The following DNAH9 variants were observed in gnomAD, a reference collection of about 807,000 sequenced individuals.
DNAH9 encodes the protein dynein axonemal heavy chain 9.
A neutral mutation model predicts 471.6 loss-of-function variants in DNAH9; 345 were observed. The ratio of observed to expected loss-of-function variants is 0.73; its 90% confidence interval spans 0.67 to 0.80. The LOEUF (loss-of-function observed/expected upper bound fraction) is 0.80. DNAH9 is among the 30% of genes least tolerant of loss of function. The pLI is 0.00. For missense variants in DNAH9, 5,407 were observed against 5,609.2 expected (o/e 0.96, Z 1.15); for synonymous variants, 2,093 against 2,123.6 (o/e 0.99, Z 0.40).
chr17:11,951,127 A>G (rs1975347582), intron 67 of DNAH9, among the ~76,000 whole-genome samples: 1 of 152,240 alleles, frequency 6.6e-6, no homozygotes, highest in Non-Finnish European at 1.5e-5. Context: ...CAAATTCAGT[A>G]GAACTATATT....
rs1194684011 is a variant in DNAH9, at chr17:11,886,834, G to A, written c.10981G>A (p.Ala3661Thr). 9 of 1,611,198 alleles carry A rather than the reference G, an allele frequency of 5.6e-6. No homozygotes were observed. In the African/African-American group the frequency reaches 1.1e-4, roughly 19 times the overall value. ...TTTATTTTTCCAACAGGTCCAGGAG[G>A]CCAAGGTGACTGAAGTGAAAATCAA... ...AAEVEKKVQE[A>T]KVTEVKINEA... The change falls in exon 57 of 69, where the codon GCC becomes ACC. Residue 3661 changes from alanine to threonine, a missense_variant. Coordinates refer to ENST00000262442, the MANE Select transcript of DNAH9 (RefSeq NM_001372.4).
chr17:11,762,881 G>A (rs903639603), intron 35 of DNAH9, among the ~76,000 whole-genome samples: 17 of 144,850 alleles, frequency 1.2e-4, no homozygotes, highest in Non-Finnish European at 6.0e-5. Flanking sequence ...CCGGGTTCAC[G>A]CCATTCTTCT....
chr17:11,939,063 AT>A (rs1318793997), intron 66 of DNAH9, among the ~76,000 whole-genome samples: 1 of 152,190 alleles, frequency 6.6e-6, no homozygotes, highest in East Asian at 1.9e-4. Context: ...TCAAAATAGT[AT>A]TTCTCAAATT....
At chr17:11,674,393 TG>T (rs755356809) in intron 17 of DNAH9, among the ~76,000 whole-genome samples, 2 of 152,164 alleles carry the variant, frequency 1.3e-5, no homozygotes, top group Non-Finnish European at 2.9e-5. Context: ...GCCACTCTGG[TG>T]GGAGTGTAAT....
chr17:11,837,756 C>A (rs1452011048), intron 49 of DNAH9, among the ~76,000 whole-genome samples: 4 of 152,232 alleles, frequency 2.6e-5, no homozygotes, highest in Non-Finnish European at 5.9e-5. Flanking sequence ...CTAAAAGGCA[C>A]TCCATTATTT....
chr17:11,621,771 T>C (rs1427513994), intron 6 of DNAH9, among the ~76,000 whole-genome samples: 1 of 152,026 alleles, frequency 6.6e-6, no homozygotes, highest in Non-Finnish European at 1.5e-5. Flanking sequence ...AAGTGGGATA[T>C]ACTGACTGCT....
At position 11,803,048 on chromosome 17, in the gene DNAH9, G is replaced by A. The variant is rs1969526146; in HGVS notation, c.8421-4684G>A. The stretch of plus-strand genomic sequence containing the variant: ...ATATTAAGAATGCCTGCATCGTAGG[G>A]TTGTTGCTATCTATGCAAAGTGCTT... On this transcript the variant is annotated intron_variant, in intron 43 of 68. Coordinates refer to ENST00000262442, the MANE Select transcript of DNAH9 (RefSeq NM_001372.4). Among the ~76,000 whole-genome samples the A allele has an allele frequency of 3.3e-5, 5 of 152,200 alleles. No homozygotes were observed. In the South Asian group the frequency reaches 1.0e-3, roughly 31 times the overall value.
chr17:11,666,545 G>A (rs527951690), intron 15 of DNAH9, among the ~76,000 whole-genome samples: 2 of 152,276 alleles, frequency 1.3e-5, no homozygotes, highest in African/African-American at 4.8e-5. Flanking sequence ...CTTCGAACGG[G>A]TGGGAGCTGA....
chr17:11,887,154 A>G (rs1972906054), intron 57 of DNAH9, among the ~76,000 whole-genome samples, 189 bp downstream of exon 57: 2 of 152,212 alleles, frequency 1.3e-5, no homozygotes, highest in African/African-American at 2.4e-5. Context: ...TGGGTCTTAC[A>G]TGACTCACGG....
intron 20 of DNAH9, 145 bp downstream of exon 20, chr17:11,690,581 C>T (rs772050615): frequency 3.9e-5 from 28 of 720,348 alleles, no homozygotes; most frequent in East Asian, 1.1e-4. Context: ...AGATGCTCAC[C>T]TTACCTGCCA....
intron 50 of DNAH9, among the ~76,000 whole-genome samples, chr17:11,857,188 C>G (rs925523116): frequency 6.6e-6 from 1 of 152,184 alleles, no homozygotes; most frequent in African/African-American, 2.4e-5. Flanking sequence ...AATGTTTATA[C>G]CTTTTCAGTA....
intron 38 of DNAH9, among the ~76,000 whole-genome samples, chr17:11,780,411 G>A (rs774661536): frequency 4.6e-5 from 7 of 152,304 alleles, no homozygotes; most frequent in Non-Finnish European, 8.8e-5. Flanking sequence ...GAGAGGAAAG[G>A]GCATCTACCC....
At chr17:11,912,670 C>A (rs1432503952) in intron 61 of DNAH9, among the ~76,000 whole-genome samples, 1 of 152,004 alleles carries the variant, frequency 6.6e-6, no homozygotes, top group African/African-American at 2.4e-5. Flanking sequence ...TCCTGGTGTA[C>A]TAGTGTATAA....
intron 12 of DNAH9, among the ~76,000 whole-genome samples, chr17:11,649,869 G>A (rs1346482689): frequency 1.3e-5 from 2 of 152,086 alleles, no homozygotes; most frequent in African/African-American, 2.4e-5. Flanking sequence ...CTGTGAATTT[G>A]TTAGGATACT....
intron 62 of DNAH9, 152 bp from the exon 63 acceptor site, chr17:11,929,714 T>A (rs1322802210): frequency 1.1e-5 from 7 of 643,626 alleles, no homozygotes; most frequent in Non-Finnish European, 1.9e-5. Flanking sequence ...GGGTTTCAGA[T>A]GGTAAATTTT....
chr17:11,801,945 A>T (rs915478274), intron 43 of DNAH9, among the ~76,000 whole-genome samples: 2 of 152,246 alleles, frequency 1.3e-5, no homozygotes, highest in African/African-American at 4.8e-5. Flanking sequence ...CCATAGGCTT[A>T]TAAACAAACT....
In DNAH9 at chr17:11,969,311, T is replaced by G; in HGVS notation, c.13245T>G (p.Ile4415Met). The change falls in exon 69 of 69, where the codon ATT (isoleucine) becomes ATG (methionine). Residue 4415 changes from isoleucine to methionine, a missense_variant. Physicochemically the swap from Ile to Met is conservative, Grantham distance 10 (BLOSUM62 1). Coordinates refer to ENST00000262442, the MANE Select transcript of DNAH9 (RefSeq NM_001372.4). ...TGTTTTATCCTCAGGCTGGGATCATTACAGAGGCAAAGCTGAAGGATCTGA... is the reference window on the plus strand; with the variant it reads ...TGTTTTATCCTCAGGCTGGGATCATGACAGAGGCAAAGCTGAAGGATCTGA... ...GACWDTQAGI[I>M]TEAKLKDLTP... 6 of 1,613,842 alleles carry G rather than the reference T, an allele frequency of 3.7e-6. No homozygotes were observed. Among genetic ancestry groups the G allele is most frequent in the Non-Finnish European group, 5.1e-6 (6 of 1,179,940 alleles).
chr17:11,743,027 A>G (rs1195244693), intron 30 of DNAH9, among the ~76,000 whole-genome samples: 1 of 152,022 alleles, frequency 6.6e-6, no homozygotes, highest in Non-Finnish European at 1.5e-5. Context: ...CTTTATCCCA[A>G]ACCTCTCTTC....
intron 53 of DNAH9, among the ~76,000 whole-genome samples, chr17:11,877,938 A>G (rs1972565686): frequency 6.6e-6 from 1 of 151,902 alleles, no homozygotes; most frequent in African/African-American, 2.4e-5. Context: ...GTTTCACCAT[A>G]TTGCCCAGTG....
Sources: gnomAD v4.1 joint callset for allele counts (sites outside exome capture counted in the v4.1 genomes callset) on GRCh38, gnomAD v4.1.1 for gene constraint, MANE v1.5 for transcripts, NCBI Gene and HGNC (gene_info 2026-07-23, HGNC 2026-07-21) for gene names.